Variants in SOCS5 observed in about 807,000 individuals in gnomAD.
SOCS5 encodes the protein CIS-6.
SOCS5 carries 32 observed loss-of-function variants against 42.8 expected under a neutral mutation model. The ratio of observed to expected loss-of-function variants is 0.75; its 90% CI spans 0.56 to 1.01. SOCS5 has a LOEUF of 1.01. SOCS5 is among the 50% of genes least tolerant of loss of function. SOCS5 has a pLI of 0.00. For missense variants in SOCS5, 627 were observed against 653.0 expected (o/e 0.96, Z 0.43); for synonymous variants, 283 against 229.6 (o/e 1.23, Z -2.10).
At chr2:46,755,311 G>A (rs1673708905) in intron 1 of SOCS5, among the ~76,000 whole-genome samples, 1 of 151,988 alleles carries the variant, frequency 6.6e-6, no homozygotes, top group South Asian at 2.1e-4. Context: ...ATAAACTCCT[G>A]GGAATTATTT....
intron 1 of SOCS5, among the ~76,000 whole-genome samples, chr2:46,706,634 A>G (rs1672469785): frequency 6.6e-6 from 1 of 152,230 alleles, no homozygotes; most frequent in Non-Finnish European, 1.5e-5. Flanking sequence ...ATTAACAAGG[A>G]AAATATCGTT....
At chr2:46,702,301 C>T (rs1672362944) in intron 1 of SOCS5, among the ~76,000 whole-genome samples, 1 of 152,138 alleles carries the variant, frequency 6.6e-6, no homozygotes, top group South Asian at 2.1e-4. Context: ...AAATCATACT[C>T]TTTGGTAAGG....
chr2:46,725,757 G>C (rs1364149641), intron 1 of SOCS5, among the ~76,000 whole-genome samples: 2 of 151,596 alleles, frequency 1.3e-5, no homozygotes, highest in Admixed American at 6.6e-5. Flanking sequence ...TTTTTCCCTT[G>C]ATATCATTTC....
upstream of SOCS5, chr2:46,699,006 GC>G: frequency 6.6e-6 from 1 of 152,554 alleles, no homozygotes; most frequent in East Asian, 1.9e-4. The surrounding 1 kb of genome is among the most constrained non-coding windows in gnomAD (Gnocchi z 4.8). Context: ...CTCCCGGGCC[GC>G]CCCCGTCTCG....
chr2:46,702,472 A>G (rs1396920481), intron 1 of SOCS5, among the ~76,000 whole-genome samples: 2 of 152,188 alleles, frequency 1.3e-5, no homozygotes, highest in African/African-American at 2.4e-5. Flanking sequence ...TTCTAGAACA[A>G]AAATATTAAT....
At chr2:46,754,790 G>A (rs1008125301) in intron 1 of SOCS5, among the ~76,000 whole-genome samples, 4 of 152,134 alleles carry the variant, frequency 2.6e-5, no homozygotes, top group African/African-American at 9.7e-5. Context: ...ACAATATGAC[G>A]TGTAAATAAC....
chr2:46,709,647 T>G (rs769430048), intron 1 of SOCS5, among the ~76,000 whole-genome samples: 1 of 152,220 alleles, frequency 6.6e-6, no homozygotes, highest in Non-Finnish European at 1.5e-5. Context: ...ATTTCCTATC[T>G]AAAATGCCTA....
In SOCS5 at chr2:46,759,950, A is replaced by G. The variant is rs143495431; in HGVS notation, c.1420A>G (p.Ile474Val). The G allele has an allele frequency of 3.1e-6, 5 of 1,614,022 alleles. No homozygotes were observed. Among genetic ancestry groups the G allele is most frequent in the East Asian group, 2.2e-5 (1 of 44,898 alleles). ...CATGTTTTTTGAACCATTGCTTACT[A>G]TATCACTAAATAGGACTTTCCCTTT... ...SCMFFEPLLT[I>V]SLNRTFPFSL... The change falls in exon 2 of 2, where the codon ATA (isoleucine) becomes GTA (valine). Residue 474 changes from isoleucine to valine, a missense_variant. Ile to Val is a conservative substitution (Grantham distance 29, BLOSUM62 3). Transcript: ENST00000394861.
chr2:46,743,912 A>G (rs1673433538), intron 1 of SOCS5, among the ~76,000 whole-genome samples: 1 of 152,150 alleles, frequency 6.6e-6, no homozygotes, highest in Non-Finnish European at 1.5e-5. Flanking sequence ...TTTTTTAAAG[A>G]GAAACCTTGG....
chr2:46,715,572 A>T (rs1393129322), intron 1 of SOCS5, among the ~76,000 whole-genome samples: 6 of 151,954 alleles, frequency 3.9e-5, no homozygotes, highest in Admixed American at 2.6e-4. Flanking sequence ...GTTGGTGTGG[A>T]TATGGAATTC....
At chr2:46,731,951 AT>A (rs1304375329) in intron 1 of SOCS5, among the ~76,000 whole-genome samples, 1 of 152,246 alleles carries the variant, frequency 6.6e-6, no homozygotes, top group Non-Finnish European at 1.5e-5. Flanking sequence ...ATACTGTGAA[AT>A]GGTGGAAGGA....
At chr2:46,738,349 C>T (rs1260306890) in intron 1 of SOCS5, among the ~76,000 whole-genome samples, 3 of 152,070 alleles carry the variant, frequency 2.0e-5, no homozygotes, top group Non-Finnish European at 4.4e-5. Context: ...AGAAAAGGTA[C>T]ACTGGAGGGA....
chr2:46,704,072 T>C (rs1672406338), intron 1 of SOCS5, among the ~76,000 whole-genome samples: 1 of 152,236 alleles, frequency 6.6e-6, no homozygotes, highest in East Asian at 1.9e-4. Flanking sequence ...CACAGATTCA[T>C]ATGCTGCTTA....
chr2:46,707,401 TA>T (rs1233018680), intron 1 of SOCS5, among the ~76,000 whole-genome samples: 1 of 152,218 alleles, frequency 6.6e-6, no homozygotes, highest in African/African-American at 2.4e-5. Flanking sequence ...TAGGTTTAGC[TA>T]ATGATTGTAA....
At chr2:46,730,571 G>T (rs1178293141) in intron 1 of SOCS5, among the ~76,000 whole-genome samples, 1 of 152,018 alleles carries the variant, frequency 6.6e-6, no homozygotes, top group African/African-American at 2.4e-5. Context: ...CTGCAGTCCA[G>T]CCTGGGCGAC....
Position 46,699,495 on chromosome 2 carries a change from C to A in SOCS5, c.-13+46C>A, listed in dbSNP as rs1363839888. 1 of 151,792 alleles carries A rather than the reference C, an allele frequency of 6.6e-6. No homozygotes were observed. Among genetic ancestry groups the A allele is most frequent in the African/African-American group, 2.4e-5 (1 of 41,284 alleles). The allele number at this position is 151,792 out of a possible 1,614,324, so 9.4% of individuals were successfully genotyped here. A position where few individuals can be genotyped will look rare whatever the true frequency, so the allele number is the denominator to read the frequency against. On this transcript the variant is annotated intron_variant, in intron 1 of 1. Transcript: ENST00000394861. This position sits in a 1 kb window ranked among gnomAD's most constrained non-coding sequence, Gnocchi z 4.8. Reference sequence around the variant, plus strand: ...GCCCGGCCCGCCGCCTGCTCCCCGGCCCCCGCGCCGTCGTCCGCGGCCGCC... The same window carrying A: ...GCCCGGCCCGCCGCCTGCTCCCCGGACCCCGCGCCGTCGTCCGCGGCCGCC...
At chr2:46,746,759 TA>T (rs1673507982) in intron 1 of SOCS5, among the ~76,000 whole-genome samples, 1 of 152,136 alleles carries the variant, frequency 6.6e-6, no homozygotes, top group Non-Finnish European at 1.5e-5. Flanking sequence ...TATAGTTATG[TA>T]ATTGATCTTT....
intron 1 of SOCS5, among the ~76,000 whole-genome samples, chr2:46,723,478 A>C (rs1299721721): frequency 6.6e-6 from 1 of 152,036 alleles, no homozygotes; most frequent in Non-Finnish European, 1.5e-5. Context: ...GTTTAGGTTA[A>C]GGTTCATGTA....
chr2:46,707,951 T>A (rs895647275), intron 1 of SOCS5, among the ~76,000 whole-genome samples: 3 of 152,210 alleles, frequency 2.0e-5, no homozygotes, highest in African/African-American at 7.2e-5. Context: ...ACACGAAGTC[T>A]GTTTTATAAT....
Sources: gnomAD v4.1 joint callset for allele counts (sites outside exome capture counted in the v4.1 genomes callset) on GRCh38, gnomAD v4.1.1 for gene constraint, Gnocchi (gnomAD v3.1) non-coding constraint, MANE v1.5 for transcripts, NCBI Gene and HGNC (gene_info 2026-07-23, HGNC 2026-07-21) for gene names.